Variants in ENTREP2 observed in about 807,000 individuals in gnomAD.
ENTREP2 encodes the protein endosomal transmembrane epsin interactor 2.
At chr15:29,175,605 CTCTT>C in the ENTREP2 span, among the ~76,000 whole-genome samples, 1 of 152,164 alleles carries the variant, frequency 6.6e-6, no homozygotes, top group South Asian at 2.1e-4. Flanking sequence ...TTGTCCATCT[CTCTT>C]TTTCTTCCTT....
the ENTREP2 span, among the ~76,000 whole-genome samples, chr15:29,640,176 G>A: frequency 7.9e-5 from 12 of 152,088 alleles, no homozygotes; most frequent in African/African-American, 2.7e-4. Flanking sequence ...TGAATGAGAA[G>A]CCATTGCCAC....
At chr15:29,238,972 G>A in the ENTREP2 span, among the ~76,000 whole-genome samples, 2 of 152,072 alleles carry the variant, frequency 1.3e-5, no homozygotes, top group African/African-American at 4.8e-5. Context: ...TTCGGGTGGG[G>A]ACATATATCC....
chr15:29,197,495 C>T, the ENTREP2 span, among the ~76,000 whole-genome samples: 3 of 152,112 alleles, frequency 2.0e-5, no homozygotes, highest in South Asian at 2.1e-4. Context: ...AGGCCAGGCG[C>T]GGTGGCTCAC....
At chr15:29,566,679 A>G in the ENTREP2 span, among the ~76,000 whole-genome samples, 1 of 150,254 alleles carries the variant, frequency 6.7e-6, no homozygotes, top group Non-Finnish European at 1.5e-5. Context: ...CTGGTCTCCA[A>G]CTCCTGACTT....
the ENTREP2 span, among the ~76,000 whole-genome samples, chr15:29,239,500 T>TG: frequency 5.3e-5 from 8 of 151,822 alleles, no homozygotes; most frequent in East Asian, 1.9e-4. Flanking sequence ...CTCTTTAATT[T>TG]GGGGGGGACA....
At chr15:29,264,492 T>C in the ENTREP2 span, among the ~76,000 whole-genome samples, 2 of 152,174 alleles carry the variant, frequency 1.3e-5, no homozygotes, top group Admixed American at 1.3e-4. Context: ...AATTGAAATT[T>C]TGTGCCACCT....
the ENTREP2 span, among the ~76,000 whole-genome samples, chr15:29,575,244 CT>C: frequency 6.6e-6 from 1 of 152,134 alleles, no homozygotes; most frequent in Non-Finnish European, 1.5e-5. Context: ...GCACAAGCCC[CT>C]AGGAGCTGGC....
At chr15:29,234,416 A>G in the ENTREP2 span, 20 of 1,522,076 alleles carry the variant, frequency 1.3e-5, no homozygotes, top group Admixed American at 1.7e-4. Context: ...AAAATGGGCA[A>G]CCATTCCAGT....
chr15:29,391,911 G>A, the ENTREP2 span, among the ~76,000 whole-genome samples: 8 of 152,270 alleles, frequency 5.3e-5, no homozygotes, highest in Admixed American at 3.9e-4. Flanking sequence ...CGCAAGCTCC[G>A]CCTCCCGGGT....
At chr15:29,284,158 G>A in the ENTREP2 span, among the ~76,000 whole-genome samples, 12 of 152,180 alleles carry the variant, frequency 7.9e-5, no homozygotes, top group African/African-American at 1.9e-4. Context: ...AAAGGGTTCT[G>A]AAAATGCTGA....
At chr15:29,552,654 A>C in the ENTREP2 span, among the ~76,000 whole-genome samples, 23 of 152,158 alleles carry the variant, frequency 1.5e-4, no homozygotes, top group Non-Finnish European at 2.6e-4. Flanking sequence ...TAGGACTTAA[A>C]ACATCTATGA....
chr15:29,281,228 C>T, the ENTREP2 span, among the ~76,000 whole-genome samples: 2 of 151,976 alleles, frequency 1.3e-5, no homozygotes, highest in Non-Finnish European at 2.9e-5. Flanking sequence ...GAAATTCTGC[C>T]GAACTCATTG....
chr15:29,589,514 C>T, the ENTREP2 span, among the ~76,000 whole-genome samples: 2 of 152,130 alleles, frequency 1.3e-5, no homozygotes, highest in African/African-American at 4.8e-5. Context: ...TCATTCGTCA[C>T]GGAGAAGGGG....
At chr15:29,479,569 C>T in the ENTREP2 span, among the ~76,000 whole-genome samples, 1 of 152,006 alleles carries the variant, frequency 6.6e-6, no homozygotes, top group Non-Finnish European at 1.5e-5. Context: ...CTACTCCACC[C>T]CTAAGGGCTA....
the ENTREP2 span, among the ~76,000 whole-genome samples, chr15:29,561,677 G>C: frequency 6.9e-6 from 1 of 145,802 alleles, no homozygotes; most frequent in African/African-American, 2.5e-5. Context: ...AACAGAGCGA[G>C]ACTCCATCTC....
chr15:29,528,578 G>A, the ENTREP2 span, among the ~76,000 whole-genome samples: 5 of 152,204 alleles, frequency 3.3e-5, no homozygotes, highest in East Asian at 9.7e-4. Flanking sequence ...CAAAAATAAA[G>A]ATGTAAAAAC....
chr15:29,427,907 T>C, the ENTREP2 span, among the ~76,000 whole-genome samples: 1 of 152,146 alleles, frequency 6.6e-6, no homozygotes, highest in Admixed American at 6.5e-5. Context: ...ACCCACTACA[T>C]GGTGGCTGGA....
chr15:29,672,799 G>T, the ENTREP2 span, among the ~76,000 whole-genome samples: 1 of 152,092 alleles, frequency 6.6e-6, no homozygotes, highest in Non-Finnish European at 1.5e-5. Context: ...ATGCTGATTG[G>T]TTGGGTAGAA....
the ENTREP2 span, among the ~76,000 whole-genome samples, chr15:29,673,473 G>A: frequency 6.6e-6 from 1 of 152,096 alleles, no homozygotes; most frequent in East Asian, 1.9e-4. Flanking sequence ...CAGTTCCTGG[G>A]TAGAGGCCAC....
Sources: allele counts gnomAD v4.1 joint callset (sites outside exome capture counted in the v4.1 genomes callset), GRCh38; gene constraint gnomAD v4.1.1; transcripts MANE v1.5; gene names NCBI Gene and HGNC (gene_info 2026-07-23, HGNC 2026-07-21).